Variants in CNKSR2 observed in about 807,000 individuals in gnomAD.
CNKSR2 encodes the protein connector enhancer of kinase suppressor of Ras 2.
A neutral mutation model predicts 84.4 loss-of-function variants in CNKSR2; 14 were observed. The observed-to-expected ratio is 0.17, with a 90% CI of 0.11 to 0.26. CNKSR2 has a LOEUF of 0.26. Among genes scored for constraint, CNKSR2 ranks in the 10% least tolerant of loss-of-function variants. CNKSR2 has a pLI of 1.00. For synonymous variants in CNKSR2, 275 were observed against 277.9 expected (o/e 0.99, Z 0.10); for missense variants, 485 against 771.2 (o/e 0.63, Z 4.40).
At chrX:21,474,561 C>G (rs1191336055) in intron 5 of CNKSR2, among the ~76,000 whole-genome samples, 1 of 111,810 alleles carries the variant, frequency 8.9e-6, no homozygotes, top group Non-Finnish European at 1.9e-5. Context: ...TGTTAACTCT[C>G]TCACACTACC....
In CNKSR2 at chrX:21,424,231, G is replaced by A. The variant is rs768463111; in HGVS notation, c.65-2266G>A. 3.6e-5 allele frequency: 4 copies of A among 111,567 alleles called. No homozygotes were observed. In the East Asian group the frequency reaches 1.1e-3, roughly 31 times the overall value. The allele number at this position is 111,567 out of a possible 1,213,427, so 9.2% of individuals were successfully genotyped here. A position where few individuals can be genotyped will look rare whatever the true frequency, so the allele number is the denominator to read the frequency against. On this transcript the variant is annotated intron_variant, in intron 1 of 21. Transcript: ENST00000379510. ...TTCTAAAGGAATATTCTACATGCAA[G>A]GCCTTCACTTTCTCATTTCCCAGTC...
intron 20 of CNKSR2, chrX:21,637,382 C>T (rs2092676910): frequency 9.0e-6 from 1 of 111,047 alleles, no homozygotes; most frequent in African/African-American, 3.3e-5. Flanking sequence ...TTATTTTACC[C>T]GGAATTGTGA....
intron 4 of CNKSR2, among the ~76,000 whole-genome samples, chrX:21,460,999 G>A (rs915404164): frequency 7.1e-5 from 8 of 112,685 alleles, no homozygotes; most frequent in African/African-American, 2.6e-4. Context: ...AAACATGAAA[G>A]TGCAGATATC....
intron 11 of CNKSR2, among the ~76,000 whole-genome samples, chrX:21,549,586 A>G (rs1450095147): frequency 1.8e-5 from 2 of 112,308 alleles, no homozygotes; most frequent in Non-Finnish European, 3.8e-5. Context: ...ATACGGAACC[A>G]AAAAAGAGCC....
intron 13 of CNKSR2, among the ~76,000 whole-genome samples, chrX:21,570,262 T>G (rs1367690251): frequency 4.4e-5 from 5 of 112,882 alleles, no homozygotes; most frequent in Non-Finnish European, 9.4e-5. Context: ...AGCTAGATCT[T>G]CCGGATAACT....
At position 21,501,150 on chromosome X, in the gene CNKSR2, A is replaced by G. The variant is rs186848051; in HGVS notation, c.742-370A>G. Among the ~76,000 whole-genome samples, 266 of 111,113 alleles carry G rather than the reference A, an allele frequency of 2.4e-3. 1 individual carries two copies. The highest frequency in any genetic ancestry group is 8.1e-3 in the African/African-American group (251 of 30,848). On this transcript the variant is annotated intron_variant, in intron 7 of 21. Transcript: ENST00000379510. ...TTGAAGCACTTACCCACTAGAGCCTAGGAGAGTTGCTTGTATAAAGTTTAC... is the reference window on the plus strand; with the variant it reads ...TTGAAGCACTTACCCACTAGAGCCTGGGAGAGTTGCTTGTATAAAGTTTAC...
intron 11 of CNKSR2, among the ~76,000 whole-genome samples, chrX:21,535,814 A>G (rs1172206311): frequency 2.7e-5 from 3 of 111,507 alleles, no homozygotes; most frequent in African/African-American, 9.7e-5. Context: ...GTCTGCAAAC[A>G]GGAACAATTT....
At chrX:21,541,112 A>G (rs746107052) in intron 11 of CNKSR2, among the ~76,000 whole-genome samples, 2 of 109,697 alleles carry the variant, frequency 1.8e-5, no homozygotes, top group African/African-American at 6.6e-5. Context: ...CCTTCCAAGT[A>G]GGTGGGACTA....
chrX:21,385,301 A>G (rs764021830), intron 1 of CNKSR2, among the ~76,000 whole-genome samples: 1 of 111,809 alleles, frequency 8.9e-6, no homozygotes, highest in African/African-American at 3.2e-5. Flanking sequence ...ACAATTACCA[A>G]TCTAAAAGAT....
At chrX:21,586,729 A>G (rs957736168) in intron 13 of CNKSR2, among the ~76,000 whole-genome samples, 1 of 112,014 alleles carries the variant, frequency 8.9e-6, no homozygotes, top group Non-Finnish European at 1.9e-5. Context: ...ACTATCAACT[A>G]GATACACTGG....
At chrX:21,609,005 T>C (rs199687500) in intron 19 of CNKSR2, 66 bp from the exon 20 acceptor site, 267 of 1,138,549 alleles carry the variant, frequency 2.3e-4, no homozygotes, top group Middle Eastern at 7.1e-4. Context: ...AGAAACCGAA[T>C]GTGTTCCTTG....
intron 4 of CNKSR2, among the ~76,000 whole-genome samples, chrX:21,459,647 TATATAA>T (rs1245745568): frequency 1.8e-5 from 2 of 111,103 alleles, no homozygotes; most frequent in Non-Finnish European, 3.8e-5. Flanking sequence ...TCAGCTGAGT[TATATAA>T]ATATGTTTAT....
intron 20 of CNKSR2, among the ~76,000 whole-genome samples, chrX:21,625,589 A>G (rs1376358776): frequency 8.9e-6 from 1 of 112,259 alleles, no homozygotes; most frequent in Admixed American, 9.5e-5. Context: ...CCTAACATTA[A>G]TGACATATGA....
At chrX:21,410,919 T>C (rs754915422) in intron 1 of CNKSR2, among the ~76,000 whole-genome samples, 1 of 109,822 alleles carries the variant, frequency 9.1e-6, no homozygotes, top group Admixed American at 9.8e-5. Flanking sequence ...TGTGTGTGGA[T>C]TTGAAATGAT....
At chrX:21,544,149 A>G (rs757871006) in intron 11 of CNKSR2, among the ~76,000 whole-genome samples, 237 of 112,669 alleles carry the variant, frequency 2.1e-3, no homozygotes, top group Non-Finnish European at 3.4e-3. Context: ...GTCTTTCCAC[A>G]TGTTTGGTCA....
chrX:21,613,950 AAAAG>A (rs1454824606), intron 20 of CNKSR2, among the ~76,000 whole-genome samples: 7 of 110,187 alleles, frequency 6.4e-5, no homozygotes, highest in South Asian at 3.8e-4. Context: ...AAAAAAAAAA[AAAAG>A]AAAGAAAGAA....
chrX:21,457,567 A>G (rs1441194492), intron 4 of CNKSR2, among the ~76,000 whole-genome samples: 2 of 112,083 alleles, frequency 1.8e-5, no homozygotes, highest in Admixed American at 1.9e-4. Flanking sequence ...TGTATGATAC[A>G]TCATGATATT....
chrX:21,404,564 G>A (rs955433038), intron 1 of CNKSR2, among the ~76,000 whole-genome samples: 3 of 109,476 alleles, frequency 2.7e-5, no homozygotes, highest in South Asian at 3.9e-4. Flanking sequence ...TGAGGCGGGC[G>A]GATCATTTGA....
At position 21,467,273 on chromosome X, in the gene CNKSR2, A is replaced by G. The variant is rs1394701189; in HGVS notation, c.520-3493A>G. Among the ~76,000 whole-genome samples, 4 of 111,520 alleles carry G rather than the reference A, an allele frequency of 3.6e-5. No individual in the cohort carries two copies. In the Admixed American group the frequency reaches 3.8e-4, roughly 11 times the overall value. Reference sequence around the variant, plus strand: ...ATCTTGGAGGCCTCACTCTGAATCAACTAGATCCGTACTTCTGGGAATCTG... The same window carrying G: ...ATCTTGGAGGCCTCACTCTGAATCAGCTAGATCCGTACTTCTGGGAATCTG... On this transcript the variant is annotated intron_variant, in intron 4 of 21. Transcript: ENST00000379510.
Sources: gnomAD v4.1 joint callset for allele counts (sites outside exome capture counted in the v4.1 genomes callset) on GRCh38, gnomAD v4.1.1 for gene constraint, MANE v1.5 for transcripts, NCBI Gene and HGNC (gene_info 2026-07-23, HGNC 2026-07-21) for gene names.